The following GALR1 variants were observed in gnomAD, a reference collection of about 807,000 sequenced individuals.
GALR1 encodes galanin receptor 1.
In GALR1, 11 loss-of-function variants were observed where a neutral mutation model predicts 17.9. That is an observed-to-expected ratio of 0.62 (90% CI 0.39 to 1.02). GALR1 has a LOEUF of 1.02. GALR1 is among the 50% of genes least tolerant of loss of function. GALR1 has a pLI of 0.01. For synonymous variants in GALR1, 206 were observed against 205.7 expected (o/e 1.00, Z -0.01); for missense variants, 441 against 456.9 (o/e 0.97, Z 0.32).
At chr18:77,259,009 GTGGTGGTGT>G (rs1568141792) in intron 2 of GALR1, among the ~76,000 whole-genome samples, 3 of 52,772 alleles carry the variant, frequency 5.7e-5, no homozygotes, top group East Asian at 6.3e-4. Flanking sequence ...GGTCACAGTG[GTGGTGGTGT>G]TGGTGTTGGT....
rs1193268140 is a variant in GALR1, at chr18:77,273,811, A to C, written c.*4909A>C. Reference sequence around the variant, plus strand: ...ACTGTTAGCTCAAGATTTCGTTGGCACTGTTGGATAGAAAGCCTCTCCTTT... The same window carrying C: ...ACTGTTAGCTCAAGATTTCGTTGGCCCTGTTGGATAGAAAGCCTCTCCTTT... On this transcript the variant is annotated 3_prime_UTR_variant, in exon 3 of 3. Transcript: ENST00000299727. 2 of 152,166 alleles carry C rather than the reference A, an allele frequency of 1.3e-5. No individual in the cohort carries two copies. Among genetic ancestry groups the C allele is most frequent in the African/African-American group, 2.4e-5 (1 of 41,436 alleles). The allele number at this position is 152,166 out of a possible 1,614,324, so 9.4% of individuals were successfully genotyped here. A position where few individuals can be genotyped will look rare whatever the true frequency, so the allele number is the denominator to read the frequency against.
In GALR1 at chr18:77,276,527, A is replaced by G. The variant is rs1913160874; in HGVS notation, c.*7625A>G. 1 of 152,214 alleles carries G rather than the reference A, an allele frequency of 6.6e-6. No homozygotes were observed. The allele number at this position is 152,214 out of a possible 1,614,324, so 9.4% of individuals were successfully genotyped here. On this transcript the variant is annotated 3_prime_UTR_variant, in exon 3 of 3. Coordinates refer to ENST00000299727, the MANE Select transcript of GALR1 (RefSeq NM_001480.4). ...TTGTTGAATGCAGATTGTTGGCCAC[A>G]TCTCCAGAATTTCTCATTCAGTAGA... is the stretch of plus-strand genomic sequence containing the variant.
chr18:77,256,229 G>A lies in GALR1; in HGVS notation c.732+6G>A, dbSNP rs767204356. 1 of 1,480,238 alleles carries A rather than the reference G, an allele frequency of 6.8e-7. No individual in the cohort carries two copies. Among genetic ancestry groups the A allele is most frequent in the South Asian group, 1.1e-5 (1 of 87,706 alleles). 91.7% of individuals were successfully genotyped at this position (1,480,238 alleles called of 1,614,324 possible). ...CTGAAGCATCCAAGAAAAAGGTAAT[G>A]ATCACAAATATATATATATATGTTA... On this transcript the variant is annotated splice_donor_region_variant and intron_variant, in intron 2 of 2. Transcript: ENST00000299727.
intron 2 of GALR1, among the ~76,000 whole-genome samples, chr18:77,267,672 A>G (rs1912972659): frequency 6.6e-6 from 1 of 152,232 alleles, no homozygotes; most frequent in Non-Finnish European, 1.5e-5. Context: ...AAAGCATTTT[A>G]ATAAATTGGA....
chr18:77,253,132 G>A (rs1912509621), intron 1 of GALR1, among the ~76,000 whole-genome samples: 1 of 151,556 alleles, frequency 6.6e-6, no homozygotes, highest in Admixed American at 6.6e-5. Context: ...TATTAACGTG[G>A]TCTTCCGCAG....
rs1188547652 is a variant in GALR1 at position 77,273,170 on chromosome 18, C to G, written c.*4268C>G. Reference sequence around the variant, plus strand: ...TTTGACTGGGCAAGACCCTCACATACCTTGGCAGGCCCTGGCTTTCGTTTC... The same window carrying G: ...TTTGACTGGGCAAGACCCTCACATAGCTTGGCAGGCCCTGGCTTTCGTTTC... On this transcript the variant is annotated 3_prime_UTR_variant, in exon 3 of 3. Coordinates refer to ENST00000299727, the MANE Select transcript of GALR1 (RefSeq NM_001480.4). The G allele has an allele frequency of 6.6e-6, 1 of 152,088 alleles. No individual in the cohort carries two copies. The highest frequency in any genetic ancestry group is 1.5e-5 in the Non-Finnish European group (1 of 68,062). 9.4% of individuals were successfully genotyped at this position (152,088 alleles called of 1,614,324 possible).
At chr18:77,252,058 A>T (rs1445002230) in intron 1 of GALR1, among the ~76,000 whole-genome samples, 1 of 152,080 alleles carries the variant, frequency 6.6e-6, no homozygotes, top group African/African-American at 2.4e-5. Flanking sequence ...CTTCACCCTA[A>T]CTGTAGCAGA....
At position 77,269,953 on chromosome 18, in the gene GALR1, T is replaced by C. The variant is rs1257164137; in HGVS notation, c.*1051T>C. Reference sequence around the variant, plus strand: ...TATCCTATCTTGTACAAATGCATGCTTTTTCATTAAATTTGTAATGATGTT... The same window carrying C: ...TATCCTATCTTGTACAAATGCATGCCTTTTCATTAAATTTGTAATGATGTT... On this transcript the variant is annotated 3_prime_UTR_variant, in exon 3 of 3. Coordinates refer to ENST00000299727, the MANE Select transcript of GALR1 (RefSeq NM_001480.4). 2 of 152,198 alleles carry C rather than the reference T, an allele frequency of 1.3e-5. No individual in the cohort carries two copies. Among genetic ancestry groups the C allele is most frequent in the East Asian group, 3.9e-4 (2 of 5,194 alleles). The allele number at this position is 152,198 out of a possible 1,614,324, so 9.4% of individuals were successfully genotyped here.
intron 2 of GALR1, among the ~76,000 whole-genome samples, chr18:77,263,182 G>A (rs1310102253): frequency 3.3e-5 from 5 of 152,162 alleles, no homozygotes; most frequent in African/African-American, 1.2e-4. Context: ...CTATTTGTAG[G>A]TATAATTATA....
At position 77,269,558 on chromosome 18, in the gene GALR1, G is replaced by A. The variant is rs949219763; in HGVS notation, c.*656G>A. 1.3e-5 allele frequency: 2 copies of A among 152,298 alleles called. No individual in the cohort carries two copies. The highest frequency in any genetic ancestry group is 2.4e-5 in the African/African-American group (1 of 41,462). 9.4% of individuals were successfully genotyped at this position (152,298 alleles called of 1,614,324 possible). A position where few individuals can be genotyped will look rare whatever the true frequency, so the allele number is the denominator to read the frequency against. On this transcript the variant is annotated 3_prime_UTR_variant, in exon 3 of 3. Coordinates refer to ENST00000299727, the MANE Select transcript of GALR1 (RefSeq NM_001480.4). The stretch of plus-strand genomic sequence containing the variant: ...ATTCAGTGTTGTACTGGTGACCTGG[G>A]ATGCAGTAGTAGGCACTGTTGATTC...
chr18:77,252,941 C>CCACCACCAT (rs1568139126), intron 1 of GALR1, among the ~76,000 whole-genome samples: 2 of 52,488 alleles, frequency 3.8e-5, no homozygotes, highest in Non-Finnish European at 9.1e-5. Flanking sequence ...ACCACCACCA[C>CCACCACCAT]CACCACCATC....
chr18:77,257,718 C>T (rs1014765910), intron 2 of GALR1, among the ~76,000 whole-genome samples: 1 of 152,010 alleles, frequency 6.6e-6, no homozygotes, highest in African/African-American at 2.4e-5. Context: ...CCAAGCCGAT[C>T]CAGGGGATTC....
intron 2 of GALR1, among the ~76,000 whole-genome samples, chr18:77,266,757 A>G (rs948527925): frequency 6.6e-6 from 1 of 152,214 alleles, no homozygotes; most frequent in Admixed American, 6.5e-5. Context: ...TTATAAAACC[A>G]TCAGATCTCC....
intron 2 of GALR1, among the ~76,000 whole-genome samples, chr18:77,259,437 GATGATGGTGATC>G (rs1912768191): frequency 2.7e-5 from 4 of 150,918 alleles, no homozygotes; most frequent in African/African-American, 4.9e-5. Context: ...TCATGGTGGT[GATGATGGTGATC>G]ATGGTGGTGA....
chr18:77,264,511 T>A (rs1395780221), intron 2 of GALR1, among the ~76,000 whole-genome samples: 1 of 152,188 alleles, frequency 6.6e-6, no homozygotes, highest in Non-Finnish European at 1.5e-5. Context: ...CTTCATCACA[T>A]CTGTATGCTG....
chr18:77,276,161 G>GT lies in GALR1; in HGVS notation c.*7260dup, dbSNP rs1187086333. On this transcript the variant is annotated 3_prime_UTR_variant, in exon 3 of 3. Coordinates refer to ENST00000299727, the MANE Select transcript of GALR1 (RefSeq NM_001480.4). ...ATATAGCACAAAATTTGACAATGAG[G>GT]TATAGAAATCCAAAATTTTCTTGGG... The GT allele has an allele frequency of 6.6e-6, 1 of 152,152 alleles. No homozygotes were observed. Among genetic ancestry groups the GT allele is most frequent in the Non-Finnish European group, 1.5e-5 (1 of 68,014 alleles). 9.4% of individuals were successfully genotyped at this position (152,152 alleles called of 1,614,324 possible).
At chr18:77,263,391 C>A (rs1025950991) in intron 2 of GALR1, among the ~76,000 whole-genome samples, 13 of 152,076 alleles carry the variant, frequency 8.5e-5, no homozygotes, top group African/African-American at 2.9e-4. Context: ...AGTTGTTTGT[C>A]GTGTTTAAAT....
chr18:77,260,641 A>T (rs1912811073), intron 2 of GALR1, among the ~76,000 whole-genome samples: 2 of 152,154 alleles, frequency 1.3e-5, no homozygotes. Flanking sequence ...TGGGGTGGGG[A>T]GATTGGTCTT....
At chr18:77,267,518 T>C (rs1912968562) in intron 2 of GALR1, among the ~76,000 whole-genome samples, 1 of 152,226 alleles carries the variant, frequency 6.6e-6, no homozygotes, top group African/African-American at 2.4e-5. Context: ...TCCACTAGTT[T>C]CGATGGCTCT....
Sources: allele counts gnomAD v4.1 joint callset (sites outside exome capture counted in the v4.1 genomes callset), GRCh38; gene constraint gnomAD v4.1.1; transcripts MANE v1.5; gene names NCBI Gene and HGNC (gene_info 2026-07-23, HGNC 2026-07-21).